The following SH3RF1 variants were observed in gnomAD, a reference collection of about 807,000 sequenced individuals.
SH3RF1 encodes E3 ubiquitin-protein ligase SH3RF1.
A neutral mutation model predicts 74.0 loss-of-function variants in SH3RF1; 32 were observed. The observed-to-expected ratio is 0.43, with a 90% CI of 0.33 to 0.58. The LOEUF is 0.58. Ranked by LOEUF, SH3RF1 falls within the 20% of genes least tolerant of loss-of-function variation. SH3RF1 has a pLI of 0.05. For missense variants in SH3RF1, 954 were observed against 1,130.9 expected (o/e 0.84, Z 2.24); for synonymous variants, 396 against 439.6 (o/e 0.90, Z 1.24).
chr4:169,151,281 C>T (rs892359622), intron 4 of SH3RF1, among the ~76,000 whole-genome samples: 1 of 151,974 alleles, frequency 6.6e-6, no homozygotes, highest in Non-Finnish European at 1.5e-5. Flanking sequence ...GAAATACTCA[C>T]AGAGAGAAAA....
intron 2 of SH3RF1, among the ~76,000 whole-genome samples, chr4:169,215,751 C>G (rs1432389938): frequency 6.6e-6 from 1 of 151,716 alleles, no homozygotes; most frequent in Admixed American, 6.6e-5. Context: ...AATTTGTTTT[C>G]TAATAGTCAA....
intron 2 of SH3RF1, among the ~76,000 whole-genome samples, chr4:169,190,568 A>C (rs189207547): frequency 1.3e-5 from 2 of 152,118 alleles, no homozygotes; most frequent in Non-Finnish European, 2.9e-5. Flanking sequence ...GAGAGACTGA[A>C]ATGGTCATTT....
chr4:169,237,187 A>G (rs1730834831), intron 2 of SH3RF1, among the ~76,000 whole-genome samples: 2 of 152,244 alleles, frequency 1.3e-5, no homozygotes, highest in Admixed American at 6.5e-5. Flanking sequence ...TACAATAAGC[A>G]GAAGAGGAGT....
At chr4:169,176,915 C>T (rs1019201807) in intron 2 of SH3RF1, among the ~76,000 whole-genome samples, 2 of 150,752 alleles carry the variant, frequency 1.3e-5, no homozygotes, top group Non-Finnish European at 3.0e-5. Context: ...GTTACCGTGC[C>T]TGGTTAATTT....
intron 2 of SH3RF1, among the ~76,000 whole-genome samples, chr4:169,216,298 TA>T (rs767597543): frequency 6.6e-6 from 1 of 152,194 alleles, no homozygotes; most frequent in Non-Finnish European, 1.5e-5. Flanking sequence ...AATTGGAAAT[TA>T]TAATGTTTTA....
intron 11 of SH3RF1, among the ~76,000 whole-genome samples, chr4:169,099,931 A>G (rs1005823523): frequency 2.0e-5 from 3 of 152,156 alleles, no homozygotes; most frequent in East Asian, 1.9e-4. Context: ...TGCAGGAGTA[A>G]TAGACTCTAC....
At chr4:169,115,674 G>C (rs904054447) in intron 10 of SH3RF1, among the ~76,000 whole-genome samples, 2 of 152,154 alleles carry the variant, frequency 1.3e-5, no homozygotes, top group African/African-American at 4.8e-5. Context: ...TAATGAGCTT[G>C]AATCATTCTG....
chr4:169,181,001 C>T (rs1734500894), intron 2 of SH3RF1, among the ~76,000 whole-genome samples: 1 of 152,108 alleles, frequency 6.6e-6, no homozygotes, highest in Non-Finnish European at 1.5e-5. Context: ...GCTCTAGGGA[C>T]CAGAGGATGC....
chr4:169,198,209 T>C (rs141713675), intron 2 of SH3RF1, among the ~76,000 whole-genome samples: 3 of 152,330 alleles, frequency 2.0e-5, no homozygotes, highest in Non-Finnish European at 4.4e-5. Flanking sequence ...TAATCACAAA[T>C]TGGTTTTCAG....
intron 2 of SH3RF1, among the ~76,000 whole-genome samples, chr4:169,227,499 A>G (rs1245670852): frequency 3.9e-5 from 6 of 152,246 alleles, no homozygotes; most frequent in Admixed American, 3.3e-4. Context: ...TAGAGTTGGA[A>G]TTTATGCTTT....
chr4:169,228,386 G>GT (rs1318862871), intron 2 of SH3RF1, among the ~76,000 whole-genome samples: 1 of 124,938 alleles, frequency 8.0e-6, no homozygotes, highest in Non-Finnish European at 1.9e-5. Flanking sequence ...TGGCAGCGCT[G>GT]TGTTTTTTTT....
chr4:169,224,376 G>A (rs1445406776), intron 2 of SH3RF1, among the ~76,000 whole-genome samples: 5 of 150,366 alleles, frequency 3.3e-5, no homozygotes, highest in African/African-American at 9.8e-5. Context: ...GGAGTGCAAT[G>A]GTGCGATCTT....
At chr4:169,166,413 C>T (rs1734245694) in intron 2 of SH3RF1, 1 of 162,556 alleles carries the variant, frequency 6.2e-6, no homozygotes, top group African/African-American at 2.4e-5. Flanking sequence ...GGCCAAAATC[C>T]TATCCTTATT....
Position 169,269,175 on chromosome 4 carries a change from G to T in SH3RF1, c.38C>A (p.Pro13Gln). 6.2e-7 allele frequency: 1 copy of T among 1,604,352 alleles called. No individual in the cohort carries two copies. The highest frequency in any genetic ancestry group is 8.5e-7 in the Non-Finnish European group (1 of 1,177,736). The change falls in exon 2 of 12, where the codon CCG (proline) becomes CAG (glutamine). Residue 13 changes from proline to glutamine, a missense_variant. By Grantham distance (76) the Pro-to-Gln change is moderately conservative. This residue lies in a region of SH3RF1 where 64 missense variants were observed against 101.9 expected (regional missense o/e 0.63). Transcript: ENST00000284637. ...ESALLDLLEC[P>Q]VCLERLDASA... The stretch of plus-strand genomic sequence containing the variant: ...AGCATCAAGGCGCTCTAGACACACC[G>T]GACACTCCAAAAGATCCAACAAGGC...
intron 11 of SH3RF1, among the ~76,000 whole-genome samples, 167 bp downstream of exon 11, chr4:169,106,680 G>C (rs1409677669): frequency 6.6e-6 from 1 of 152,110 alleles, no homozygotes; most frequent in East Asian, 1.9e-4. Context: ...AAGGAAAACA[G>C]AGTATGTCAT....
intron 2 of SH3RF1, among the ~76,000 whole-genome samples, chr4:169,169,238 C>A (rs995590242): frequency 2.0e-5 from 3 of 151,984 alleles, no homozygotes; most frequent in African/African-American, 7.3e-5. Context: ...GATATAGAAC[C>A]AATCCTGTGA....
rs375875790 is a variant in SH3RF1, at chr4:169,095,217, T to C, written c.*1302A>G. 1 of 152,670 alleles carries C rather than the reference T, an allele frequency of 6.6e-6. No homozygotes were observed. Among genetic ancestry groups the C allele is most frequent in the East Asian group, 1.9e-4 (1 of 5,198 alleles). 9.5% of individuals were successfully genotyped at this position (152,670 alleles called of 1,614,324 possible). A position where few individuals can be genotyped will look rare whatever the true frequency, so the allele number is the denominator to read the frequency against. ...CTGGTTAACTCATCCTTGATGTCTG[T>C]CTGCTGGGAGGACATAAAAGACCAC... On this transcript the variant is annotated 3_prime_UTR_variant, in exon 12 of 12. Coordinates refer to ENST00000284637, the MANE Select transcript of SH3RF1 (RefSeq NM_020870.4).
chr4:169,254,032 G>A (rs769437407), intron 2 of SH3RF1, among the ~76,000 whole-genome samples: 2 of 152,180 alleles, frequency 1.3e-5, no homozygotes, highest in Non-Finnish European at 2.9e-5. Context: ...TCCAATTACA[G>A]TCAAGTTTCA....
At chr4:169,181,950 TTTTA>T (rs1734518411) in intron 2 of SH3RF1, among the ~76,000 whole-genome samples, 1 of 152,198 alleles carries the variant, frequency 6.6e-6, no homozygotes. Flanking sequence ...CTCTTTGAGT[TTTTA>T]TTTGTCTCTC....
Sources: gnomAD v4.1 joint callset for allele counts (sites outside exome capture counted in the v4.1 genomes callset) on GRCh38, gnomAD v4.1.1 for gene constraint, gnomAD v4.1.1 regional missense constraint, MANE v1.5 for transcripts, NCBI Gene and HGNC (gene_info 2026-07-23, HGNC 2026-07-21) for gene names.